Variants in TLN2 observed in about 807,000 individuals in gnomAD.
TLN2 encodes the protein talin 2.
Under a neutral mutation model 294.7 loss-of-function variants are expected in TLN2, and 118 were observed. The ratio of observed to expected loss-of-function variants is 0.40; its 90% CI spans 0.34 to 0.47. TLN2 has a LOEUF of 0.47. Ranked by LOEUF, TLN2 falls within the 20% of genes least tolerant of loss-of-function variation. The pLI is 0.84. For synonymous variants in TLN2, 1,431 were observed against 1,304.5 expected (o/e 1.10, Z -2.09); for missense variants, 3,083 against 3,282.2 (o/e 0.94, Z 1.48).
In TLN2 at chr15:62,755,492, G is replaced by A. The variant is rs771084140; in HGVS notation, c.4477-40G>A. The stretch of plus-strand genomic sequence containing the variant: ...GGACCGGGGTGGACCCCTCTGCACT[G>A]TAGCATGGGGTACCCCCAACCTAGC... On this transcript the variant is annotated intron_variant, in intron 36 of 58. Coordinates refer to ENST00000636159, the MANE Select transcript of TLN2 (RefSeq NM_015059.3). 4.4e-6 allele frequency: 7 copies of A among 1,606,380 alleles called. No homozygotes were observed. The African/African-American group carries it at 6.7e-5, about 15-fold the overall frequency.
At chr15:62,641,463 A>G (rs1596458745) in intron 3 of TLN2, among the ~76,000 whole-genome samples, 1 of 151,880 alleles carries the variant, frequency 6.6e-6, no homozygotes, top group South Asian at 2.1e-4. Flanking sequence ...CTAAAAATAC[A>G]AAGTTAGCCA....
chr15:62,795,340 C>T (rs1411956343), intron 46 of TLN2, among the ~76,000 whole-genome samples: 1 of 152,092 alleles, frequency 6.6e-6, no homozygotes, highest in African/African-American at 2.4e-5. Context: ...GACACATGAC[C>T]AGAAACGGAG....
chr15:62,653,120 A>G (rs1180727838), intron 6 of TLN2, 42 bp from the exon 7 acceptor site: 1 of 1,466,780 alleles, frequency 6.8e-7, no homozygotes, highest in Non-Finnish European at 9.1e-7. Flanking sequence ...GGTTGACAGC[A>G]GTTTAATTAT....
intron 45 of TLN2, among the ~76,000 whole-genome samples, chr15:62,787,625 T>G (rs1410490844): frequency 6.6e-6 from 1 of 151,766 alleles, no homozygotes; most frequent in Non-Finnish European, 1.5e-5. Flanking sequence ...GATCACCCTG[T>G]GGGCTGGTCA....
intron 1 of TLN2, among the ~76,000 whole-genome samples, chr15:62,457,425 G>A (rs1483456261): frequency 6.6e-6 from 1 of 152,230 alleles, no homozygotes; most frequent in East Asian, 1.9e-4. Flanking sequence ...CAGCATAAGA[G>A]TTTGGAGGGA....
intron 3 of TLN2, among the ~76,000 whole-genome samples, chr15:62,635,087 G>A (rs1275659215): frequency 6.6e-6 from 1 of 152,150 alleles, no homozygotes; most frequent in Non-Finnish European, 1.5e-5. Flanking sequence ...ATAAAACCTG[G>A]ATTGATTATT....
At chr15:62,597,086 C>T (rs1222915270) in intron 2 of TLN2, among the ~76,000 whole-genome samples, 4 of 152,150 alleles carry the variant, frequency 2.6e-5, no homozygotes, top group Admixed American at 1.3e-4. Context: ...TTCTTGCTTT[C>T]AGTCCTGCTG....
chr15:62,465,670 C>T (rs2037093894), intron 1 of TLN2, among the ~76,000 whole-genome samples: 1 of 152,208 alleles, frequency 6.6e-6, no homozygotes, highest in Non-Finnish European at 1.5e-5. Flanking sequence ...GGCTTTAATA[C>T]TAAGTCTGTC....
At chr15:62,813,371 A>G (rs139417324) in intron 52 of TLN2, among the ~76,000 whole-genome samples, 85 of 152,302 alleles carry the variant, frequency 5.6e-4, no homozygotes, top group Admixed American at 1.4e-3. Context: ...CTAGTTCTCT[A>G]AGGCCATTCA....
chr15:62,548,418 A>G (rs1300263077), intron 1 of TLN2, among the ~76,000 whole-genome samples: 2 of 152,222 alleles, frequency 1.3e-5, no homozygotes, highest in Admixed American at 6.5e-5. Context: ...AATTGGCTTA[A>G]ACAATAAAGA....
chr15:62,811,175 C>T (rs1236266295), intron 52 of TLN2, among the ~76,000 whole-genome samples: 1 of 152,206 alleles, frequency 6.6e-6, no homozygotes, highest in Non-Finnish European at 1.5e-5. Flanking sequence ...TTTAAGGGAT[C>T]ATTATTTTTA....
intron 1 of TLN2, among the ~76,000 whole-genome samples, chr15:62,567,706 G>A (rs1212079234): frequency 6.6e-6 from 1 of 152,112 alleles, no homozygotes; most frequent in Non-Finnish European, 1.5e-5. Context: ...GTGATGGCGC[G>A]CGCCTGTAAT....
At chr15:62,803,098 T>A (rs2066043186) in intron 50 of TLN2, among the ~76,000 whole-genome samples, 1 of 152,230 alleles carries the variant, frequency 6.6e-6, no homozygotes, top group South Asian at 2.1e-4. Flanking sequence ...GCTATACTAT[T>A]CTGGAGTAAA....
chr15:62,409,181 A>C (rs1033550743), intron 1 of TLN2, among the ~76,000 whole-genome samples: 1 of 143,684 alleles, frequency 7.0e-6, no homozygotes, highest in African/African-American at 2.6e-5. Flanking sequence ...CATGTCGCTT[A>C]TGGCCAGTCT....
intron 1 of TLN2, among the ~76,000 whole-genome samples, chr15:62,575,099 G>C (rs1353972630): frequency 6.6e-6 from 1 of 152,136 alleles, no homozygotes; most frequent in Non-Finnish European, 1.5e-5. Context: ...GATAGCTTGA[G>C]CCCAGGAGTT....
chr15:62,630,335 G>A (rs940565281), intron 3 of TLN2, among the ~76,000 whole-genome samples: 3 of 152,158 alleles, frequency 2.0e-5, no homozygotes, highest in African/African-American at 4.8e-5. Flanking sequence ...GCTAAAACCC[G>A]GTGAGAAAGT....
At chr15:62,562,421 A>G (rs1005963736) in intron 1 of TLN2, among the ~76,000 whole-genome samples, 5 of 152,196 alleles carry the variant, frequency 3.3e-5, no homozygotes, top group African/African-American at 1.2e-4. Flanking sequence ...GAAGGGCAAG[A>G]TGAAATCATA....
At chr15:62,771,165 G>A (rs2063328949) in intron 42 of TLN2, 31 bp downstream of exon 42, 1 of 1,560,406 alleles carries the variant, frequency 6.4e-7, no homozygotes, top group African/African-American at 1.4e-5. Context: ...GACTCACTTA[G>A]GACCACTAAG....
At chr15:62,532,770 G>C (rs1227619552) in intron 1 of TLN2, among the ~76,000 whole-genome samples, 4 of 152,148 alleles carry the variant, frequency 2.6e-5, no homozygotes. Context: ...TACCTGCTGT[G>C]TGACCTTGGG....
Sources: gnomAD v4.1 joint callset for allele counts (sites outside exome capture counted in the v4.1 genomes callset) on GRCh38, gnomAD v4.1.1 for gene constraint, MANE v1.5 for transcripts, NCBI Gene and HGNC (gene_info 2026-07-23, HGNC 2026-07-21) for gene names.